DYNC2H1: variants seen among roughly 807,000 people sequenced by gnomAD.
The protein encoded by DYNC2H1 is cytoplasmic dynein 2 heavy chain 1.
A neutral mutation model predicts 570.0 loss-of-function variants in DYNC2H1; 410 were observed. The ratio of observed to expected loss-of-function variants is 0.72; its 90% CI spans 0.66 to 0.78. The LOEUF (loss-of-function observed/expected upper bound fraction) is 0.78, where lower values mean the gene tolerates loss of function less well. Ranked by LOEUF, DYNC2H1 falls within the 30% of genes least tolerant of loss-of-function variation. DYNC2H1 has a pLI of 0.00. For synonymous variants in DYNC2H1, 1,688 were observed against 1,677.6 expected (o/e 1.01, Z -0.15); for missense variants, 4,865 against 5,046.4 (o/e 0.96, Z 1.09).
chr11:103,172,604 T>C (rs1861621440), intron 34 of DYNC2H1, among the ~76,000 whole-genome samples: 1 of 152,064 alleles, frequency 6.6e-6, no homozygotes, highest in Non-Finnish European at 1.5e-5. Context: ...CTAAGTGCTG[T>C]TATCACATTC....
At chr11:103,447,202 C>T (rs866813548) in intron 85 of DYNC2H1, among the ~76,000 whole-genome samples, 16 of 152,068 alleles carry the variant, frequency 1.1e-4, no homozygotes, top group African/African-American at 3.9e-4. Context: ...CCTAGAAACC[C>T]AGGTTTATAA....
rs149237696 is a variant in DYNC2H1 at position 103,196,128 on chromosome 11, G to T, written c.7709-1805G>T. 2.0e-3 allele frequency among the ~76,000 whole-genome samples: 299 copies of T among 152,222 alleles called. 1 individual carries two copies. Among genetic ancestry groups the T allele is most frequent in the Middle Eastern group, 0.01 (3 of 294 alleles). ...GTTTTAAGAAGTGGAAAGCTATATGGGATATTGCAGTGGTGTGGCACAATC... is the reference window on the plus strand; with the variant it reads ...GTTTTAAGAAGTGGAAAGCTATATGTGATATTGCAGTGGTGTGGCACAATC... On this transcript the variant is annotated intron_variant, in intron 47 of 88. Coordinates refer to ENST00000375735, the MANE Select transcript of DYNC2H1 (RefSeq NM_001377.3).
rs1865956201 is a variant in DYNC2H1, at chr11:103,277,400, G to T, written c.10696-2948G>T. ...TGGGTCTAATTTAAACAATTATAAA[G>T]TTCTCTCCCCCTCCTTCATCTGCCT... On this transcript the variant is annotated intron_variant, in intron 70 of 88. Transcript: ENST00000375735. The surrounding 1 kb of genome is among the most constrained non-coding windows in gnomAD (Gnocchi z 4.3). Among the ~76,000 whole-genome samples the T allele has an allele frequency of 6.6e-6, 1 of 151,774 alleles. No individual in the cohort carries two copies. The highest frequency in any genetic ancestry group is 6.6e-5 in the Admixed American group (1 of 15,222).
rs1051583553 is a variant in DYNC2H1, at chr11:103,243,546, C to T, written c.9820-147C>T. 2.9e-5 allele frequency: 19 copies of T among 651,344 alleles called. No individual in the cohort carries two copies. The highest frequency in any genetic ancestry group is 5.5e-5 in the African/African-American group (3 of 54,308). The allele number at this position is 651,344 out of a possible 1,614,324, so 40.3% of individuals were successfully genotyped here. A position where few individuals can be genotyped will look rare whatever the true frequency, so the allele number is the denominator to read the frequency against. The stretch of plus-strand genomic sequence containing the variant: ...GCAGCTAAAAACTGTATTTTTGTTT[C>T]TTTTTCATGGTTGTATATTTGTGTT... On this transcript the variant is annotated intron_variant, in intron 63 of 88. Coordinates refer to ENST00000375735, the MANE Select transcript of DYNC2H1 (RefSeq NM_001377.3). The surrounding 1 kb of genome is among the most constrained non-coding windows in gnomAD (Gnocchi z 4.8).
chr11:103,379,059 G>A (rs1347753367), intron 83 of DYNC2H1, among the ~76,000 whole-genome samples: 4 of 152,098 alleles, frequency 2.6e-5, no homozygotes, highest in South Asian at 2.1e-4. Flanking sequence ...TATTAGGTTC[G>A]CTGCTGCCTA....
At chr11:103,335,214 TG>T (rs1237586655) in intron 82 of DYNC2H1, among the ~76,000 whole-genome samples, 1 of 139,894 alleles carries the variant, frequency 7.1e-6, no homozygotes, top group Non-Finnish European at 1.6e-5. Flanking sequence ...CATTTCCCTT[TG>T]AAAAAAAAGA....
At chr11:103,418,890 CT>C (rs1943378004) in intron 84 of DYNC2H1, among the ~76,000 whole-genome samples, 1 of 152,202 alleles carries the variant, frequency 6.6e-6, no homozygotes, top group African/African-American at 2.4e-5. Context: ...AAACACAGAG[CT>C]GTGTGGAGTC....
chr11:103,353,340 T>A (rs1940146423), intron 82 of DYNC2H1, among the ~76,000 whole-genome samples: 1 of 152,200 alleles, frequency 6.6e-6, no homozygotes, highest in Non-Finnish European at 1.5e-5. Context: ...AGATATTGGA[T>A]GTATTATATG....
chr11:103,291,488 A>G (rs1866599232), intron 75 of DYNC2H1, among the ~76,000 whole-genome samples: 1 of 152,134 alleles, frequency 6.6e-6, no homozygotes, highest in Admixed American at 6.6e-5. Context: ...GCATTTTGGT[A>G]GTCTAACTCC....
At chr11:103,188,346 A>G (rs1282290131) in intron 43 of DYNC2H1, 151 bp from the exon 44 acceptor site, 2 of 541,456 alleles carry the variant, frequency 3.7e-6, no homozygotes, top group Non-Finnish European at 6.3e-6. Flanking sequence ...TCAGTGATAT[A>G]ATAATTTAAG....
intron 83 of DYNC2H1, among the ~76,000 whole-genome samples, chr11:103,392,378 C>A (rs61896845): frequency 0.18 from 27,762 of 152,200 alleles, 2,726 homozygotes; most frequent in Admixed American, 0.26. Flanking sequence ...AGTGACCTGA[C>A]TTTCCAGGTG....
chr11:103,442,946 A>G (rs1944314646), intron 85 of DYNC2H1, among the ~76,000 whole-genome samples: 1 of 147,622 alleles, frequency 6.8e-6, no homozygotes, highest in African/African-American at 2.5e-5. Flanking sequence ...TATCATTTCA[A>G]TGCTTCCCTT....
chr11:103,311,179 T>G (rs1469148798), intron 78 of DYNC2H1, among the ~76,000 whole-genome samples: 1 of 152,182 alleles, frequency 6.6e-6, no homozygotes, highest in Non-Finnish European at 1.5e-5. Context: ...TAGAATAACT[T>G]GGGCAGAAAA....
At chr11:103,281,228 C>T (rs1484305425) in intron 71 of DYNC2H1, among the ~76,000 whole-genome samples, 1 of 152,020 alleles carries the variant, frequency 6.6e-6, no homozygotes, top group African/African-American at 2.4e-5. Context: ...TCTCTGACTC[C>T]ACATGCACTG....
intron 26 of DYNC2H1, among the ~76,000 whole-genome samples, chr11:103,158,405 C>T (rs1403459127): frequency 2.0e-5 from 3 of 152,012 alleles, no homozygotes; most frequent in East Asian, 1.9e-4. Context: ...GCAGAGATTG[C>T]GCCACTGCAC....
chr11:103,269,800 C>A (rs1270709625), intron 70 of DYNC2H1, among the ~76,000 whole-genome samples: 1 of 151,940 alleles, frequency 6.6e-6, no homozygotes, highest in African/African-American at 2.4e-5. Context: ...ATCTAAGTAC[C>A]TTTATGTATT....
rs1866093004 is a variant in DYNC2H1 at position 103,280,631 on chromosome 11, C to A, written c.10761+218C>A. 6.6e-6 allele frequency among the ~76,000 whole-genome samples: 1 copy of A among 152,244 alleles called. No individual in the cohort carries two copies. Among genetic ancestry groups the A allele is most frequent in the Non-Finnish European group, 1.5e-5 (1 of 67,986 alleles). ...GTGATGGTAAAGCAGGGAAAGAAAT[C>A]TACAAAGCTGCCTACATTTTTCTGA... On this transcript the variant is annotated intron_variant, in intron 71 of 88. Coordinates refer to ENST00000375735, the MANE Select transcript of DYNC2H1 (RefSeq NM_001377.3). The surrounding 1 kb of genome is among the most constrained non-coding windows in gnomAD (Gnocchi z 4.7).
At chr11:103,304,781 A>G in intron 77 of DYNC2H1, 61 bp downstream of exon 77, 1 of 1,455,358 alleles carries the variant, frequency 6.9e-7, no homozygotes, top group East Asian at 2.4e-5. Context: ...TCTCCAAGGG[A>G]CATCAGTATT....
intron 70 of DYNC2H1, among the ~76,000 whole-genome samples, chr11:103,272,503 C>A (rs1464595324): frequency 6.6e-6 from 1 of 152,138 alleles, no homozygotes; most frequent in Non-Finnish European, 1.5e-5. Context: ...AGCATACCAA[C>A]ATGGCACATG....
Sources: gnomAD v4.1 joint callset for allele counts (sites outside exome capture counted in the v4.1 genomes callset) on GRCh38, gnomAD v4.1.1 for gene constraint, Gnocchi (gnomAD v3.1) non-coding constraint, MANE v1.5 for transcripts, NCBI Gene and HGNC (gene_info 2026-07-23, HGNC 2026-07-21) for gene names.